Variants in HTR2C observed in about 807,000 individuals in gnomAD.
The protein encoded by HTR2C is 5-hydroxytryptamine (serotonin) receptor 2C, G protein-coupled.
A neutral mutation model predicts 21.0 loss-of-function variants in HTR2C; 5 were observed. The ratio of observed to expected loss-of-function variants is 0.24; its 90% CI spans 0.12 to 0.50. HTR2C has a LOEUF of 0.50. Among genes scored for constraint, HTR2C ranks in the 20% least tolerant of loss-of-function variants. The pLI is 0.98. For missense variants in HTR2C, 271 were observed against 371.2 expected, an observed-to-expected ratio of 0.73 and a Z score of 2.22; for synonymous variants, 150 against 145.3, an observed-to-expected ratio of 1.03 and a Z score of -0.23.
intron 4 of HTR2C, among the ~76,000 whole-genome samples, chrX:114,747,912 A>G (rs2069721843): frequency 8.9e-6 from 1 of 112,385 alleles, no homozygotes; most frequent in Non-Finnish European, 1.9e-5. Context: ...CCTTGATTGC[A>G]GCCTATGAAA....
intron 1 of HTR2C, among the ~76,000 whole-genome samples, chrX:114,593,838 A>G (rs2147789101): frequency 8.9e-6 from 1 of 111,898 alleles, no homozygotes; most frequent in East Asian, 2.8e-4. Flanking sequence ...TCCACTTCAA[A>G]TAATAATACT....
intron 4 of HTR2C, among the ~76,000 whole-genome samples, chrX:114,788,758 C>T (rs1468561581): frequency 9.0e-6 from 1 of 110,727 alleles, no homozygotes; most frequent in Non-Finnish European, 1.9e-5. Flanking sequence ...AAGTGATCCT[C>T]CCACCTCAGA....
chrX:114,673,594 T>C (rs1931455958), intron 2 of HTR2C, among the ~76,000 whole-genome samples: 2 of 111,731 alleles, frequency 1.8e-5, no homozygotes, highest in Non-Finnish European at 3.8e-5. Flanking sequence ...CATCATATGG[T>C]AATGAGGTTT....
intron 1 of HTR2C, among the ~76,000 whole-genome samples, chrX:114,606,385 C>T (rs1489895289): frequency 2.7e-5 from 3 of 111,697 alleles, no homozygotes; most frequent in Non-Finnish European, 5.6e-5. Context: ...GGCGTCCCTG[C>T]GTGGTCTGAC....
chrX:114,717,071 A>G (rs1345166348), intron 2 of HTR2C, among the ~76,000 whole-genome samples: 7 of 111,025 alleles, frequency 6.3e-5, no homozygotes, highest in African/African-American at 2.0e-4. Flanking sequence ...CTAGTTGACT[A>G]TATTCTACAA....
At chrX:114,689,385 G>A (rs782126614) in intron 2 of HTR2C, among the ~76,000 whole-genome samples, 18 of 109,333 alleles carry the variant, frequency 1.6e-4, no homozygotes, top group African/African-American at 6.0e-4. Flanking sequence ...TAGTGGAATT[G>A]CTGGATCAAA....
At chrX:114,807,040 TATATATACC>T (rs782071587) in intron 4 of HTR2C, among the ~76,000 whole-genome samples, 235 of 20,270 alleles carry the variant, frequency 0.012, 26 homozygotes, top group Admixed American at 0.036. Flanking sequence ...ATATACACCA[TATATATACC>T]ATATATACAC....
intron 5 of HTR2C, among the ~76,000 whole-genome samples, chrX:114,857,740 G>A (rs377243962): frequency 5.4e-5 from 6 of 110,418 alleles, no homozygotes; most frequent in East Asian, 5.7e-4. Context: ...TTTTTTATCC[G>A]GTTTATGAAA....
intron 5 of HTR2C, among the ~76,000 whole-genome samples, chrX:114,859,335 T>C (rs782527688): frequency 2.3e-3 from 258 of 111,362 alleles, no homozygotes; most frequent in African/African-American, 7.5e-3. Flanking sequence ...TGTGTGTGTG[T>C]GCGTGTGCAT....
At chrX:114,731,859 CAATG>C (rs1320743848) in intron 4 of HTR2C, among the ~76,000 whole-genome samples, 3 of 111,379 alleles carry the variant, frequency 2.7e-5, no homozygotes, top group Non-Finnish European at 3.8e-5. Context: ...TCTTTGTAAA[CAATG>C]AATGAACAGT....
chrX:114,895,082 T>C (rs992660721), intron 5 of HTR2C, among the ~76,000 whole-genome samples: 29 of 111,565 alleles, frequency 2.6e-4, no homozygotes, highest in African/African-American at 9.1e-4. Context: ...TGCTCTAATA[T>C]GCATTGATCT....
At chrX:114,608,964 C>A (rs1928598867) in intron 1 of HTR2C, among the ~76,000 whole-genome samples, 1 of 111,819 alleles carries the variant, frequency 8.9e-6, no homozygotes, top group Admixed American at 9.5e-5. Flanking sequence ...AGTGTGCCAT[C>A]TGTTTCTTTT....
intron 5 of HTR2C, among the ~76,000 whole-genome samples, chrX:114,900,930 C>T (rs1351045036): frequency 8.9e-6 from 1 of 112,083 alleles, no homozygotes; most frequent in Non-Finnish European, 1.9e-5. Context: ...TCCCTTTGTT[C>T]GTAATGACAT....
chrX:114,807,632 G>A (rs782025156), intron 4 of HTR2C, among the ~76,000 whole-genome samples: 2 of 105,877 alleles, frequency 1.9e-5, no homozygotes, highest in East Asian at 6.0e-4. Flanking sequence ...TCCTTTCTTT[G>A]TGTTACAAAC....
At chrX:114,735,103 G>A (rs931248342) in intron 4 of HTR2C, among the ~76,000 whole-genome samples, 1 of 110,553 alleles carries the variant, frequency 9.0e-6, no homozygotes, top group South Asian at 3.8e-4. Flanking sequence ...TCAAGAGTTC[G>A]AGACCAGCCT....
intron 1 of HTR2C, among the ~76,000 whole-genome samples, chrX:114,600,918 T>A (rs1928059355): frequency 8.9e-6 from 1 of 112,046 alleles, no homozygotes; most frequent in African/African-American, 3.2e-5. Context: ...GACAATATAT[T>A]TTGTATTGAA....
chrX:114,838,037 A>G (rs1309725033), intron 4 of HTR2C, among the ~76,000 whole-genome samples: 1 of 111,241 alleles, frequency 9.0e-6, no homozygotes, highest in African/African-American at 3.3e-5. Flanking sequence ...ATTTCTTCAC[A>G]AATGCTAATA....
chrX:114,595,473 T>A (rs919690578), intron 1 of HTR2C, among the ~76,000 whole-genome samples: 2 of 110,254 alleles, frequency 1.8e-5, no homozygotes, highest in African/African-American at 6.6e-5. Context: ...TCATCCCGCC[T>A]CTGCCTCCCA....
At chrX:114,734,055 C>CA (rs1165751940) in intron 4 of HTR2C, among the ~76,000 whole-genome samples, 1 of 109,986 alleles carries the variant, frequency 9.1e-6, no homozygotes, top group Non-Finnish European at 1.9e-5. Flanking sequence ...TAGAAATGGT[C>CA]AAAAAAATAG....
Sources: allele counts gnomAD v4.1 joint callset (sites outside exome capture counted in the v4.1 genomes callset), GRCh38; gene constraint gnomAD v4.1.1; transcripts MANE v1.5; gene names NCBI Gene and HGNC (gene_info 2026-07-23, HGNC 2026-07-21).